Variants in TMTC2 observed in about 807,000 individuals in gnomAD.
TMTC2 encodes transmembrane O-mannosyltransferase targeting cadherins 2.
TMTC2 carries 43 observed loss-of-function variants against 82.4 expected under a neutral mutation model. The observed-to-expected ratio is 0.52, with a 90% CI of 0.41 to 0.67. The LOEUF is 0.67. Ranked by LOEUF, TMTC2 falls within the 30% of genes least tolerant of loss-of-function variation. The probability of loss-of-function intolerance (pLI) is 0.00; values close to 1 mark genes in which losing one functional copy is unlikely to be tolerated. For missense variants in TMTC2, 919 were observed against 1,012.4 expected (o/e 0.91, Z 1.25); for synonymous variants, 408 against 381.9 (o/e 1.07, Z -0.80).
rs61124784 is a variant in TMTC2 at position 82,792,066 on chromosome 12, G to T, written c.84-64944G>T. Among the ~76,000 whole-genome samples, 752 of 152,250 alleles carry T rather than the reference G, an allele frequency of 4.9e-3. 8 individuals are homozygous for T. Among genetic ancestry groups the T allele is most frequent in the African/African-American group, 0.017 (715 of 41,554 alleles). On this transcript the variant is annotated intron_variant, in intron 1 of 11. Coordinates refer to ENST00000321196, the MANE Select transcript of TMTC2 (RefSeq NM_152588.3). ...GCTTGGGAAATTCCCACAGAAGCAA[G>T]AAGCAGCAAGGTAGAGGGGAAAGAG...
chr12:82,709,902 A>G (rs1266348654), intron 1 of TMTC2, among the ~76,000 whole-genome samples: 1 of 152,232 alleles, frequency 6.6e-6, no homozygotes, highest in African/African-American at 2.4e-5. Context: ...ACACAGAGGC[A>G]GTAAATTTGT....
intron 9 of TMTC2, among the ~76,000 whole-genome samples, chr12:83,044,398 A>G (rs900904399): frequency 1.1e-4 from 16 of 152,318 alleles, no homozygotes; most frequent in African/African-American, 3.8e-4. Flanking sequence ...CAGGAACAGT[A>G]AGAGAGGGTG....
At chr12:83,064,329 A>G (rs571271903) in intron 11 of TMTC2, among the ~76,000 whole-genome samples, 1 of 151,988 alleles carries the variant, frequency 6.6e-6, no homozygotes, top group African/African-American at 2.4e-5. Flanking sequence ...TTAATCTCCA[A>G]CTCAAAGCCC....
At chr12:83,122,019 C>T (rs537153167) in intron 11 of TMTC2, among the ~76,000 whole-genome samples, 1 of 151,822 alleles carries the variant, frequency 6.6e-6, no homozygotes. Context: ...CCAACAGCAC[C>T]GAGTCTGTTT....
At chr12:82,949,559 C>T (rs1877236162) in intron 4 of TMTC2, among the ~76,000 whole-genome samples, 1 of 152,144 alleles carries the variant, frequency 6.6e-6, no homozygotes, top group African/African-American at 2.4e-5. Context: ...ATGTCTTTGG[C>T]TTTAAACAGA....
chr12:82,936,636 A>T (rs969364124), intron 4 of TMTC2, among the ~76,000 whole-genome samples: 83 of 152,164 alleles, frequency 5.5e-4, no homozygotes, highest in Admixed American at 5.2e-4. Context: ...GAGGATGAAA[A>T]AAATATCATC....
intron 11 of TMTC2, among the ~76,000 whole-genome samples, chr12:83,070,042 G>A (rs191900401): frequency 5.9e-5 from 9 of 152,178 alleles, no homozygotes; most frequent in African/African-American, 2.2e-4. Context: ...CCATTGGTGT[G>A]TGTGCCTATC....
chr12:82,801,440 G>A (rs1403207317), intron 1 of TMTC2, among the ~76,000 whole-genome samples: 3 of 152,126 alleles, frequency 2.0e-5, no homozygotes, highest in Non-Finnish European at 4.4e-5. Flanking sequence ...CAAGCGGGTT[G>A]CCACTGCAGG....
chr12:82,789,788 T>C (rs1190654897), intron 1 of TMTC2, among the ~76,000 whole-genome samples: 1 of 152,102 alleles, frequency 6.6e-6, no homozygotes, highest in Admixed American at 6.5e-5. Flanking sequence ...AGACTAAGAG[T>C]TTGCTTTATG....
intron 1 of TMTC2, among the ~76,000 whole-genome samples, chr12:82,805,295 T>C (rs1449628534): frequency 6.6e-6 from 1 of 152,092 alleles, no homozygotes; most frequent in African/African-American, 2.4e-5. Context: ...TTAGGCTAAA[T>C]TGTGGGAGCT....
At chr12:82,884,334 T>C (rs1174831767) in intron 2 of TMTC2, among the ~76,000 whole-genome samples, 2 of 152,220 alleles carry the variant, frequency 1.3e-5, no homozygotes, top group Non-Finnish European at 2.9e-5. Context: ...ACAAACGCTA[T>C]AGAGTGTCAG....
intron 11 of TMTC2, among the ~76,000 whole-genome samples, chr12:83,131,568 C>G (rs1351927193): frequency 6.6e-6 from 1 of 152,034 alleles, no homozygotes; most frequent in Non-Finnish European, 1.5e-5. Context: ...GGATTTTTTA[C>G]TTCACTCTAT....
intron 8 of TMTC2, among the ~76,000 whole-genome samples, chr12:83,015,179 G>C (rs1395747566): frequency 6.6e-6 from 1 of 152,134 alleles, no homozygotes. Context: ...ACTCTTCCAA[G>C]CTCCATGTTG....
At chr12:82,964,300 G>C (rs1196240422) in intron 4 of TMTC2, among the ~76,000 whole-genome samples, 2 of 151,948 alleles carry the variant, frequency 1.3e-5, no homozygotes, top group African/African-American at 4.8e-5. Context: ...CATGAGGGTG[G>C]GTTCTGGCAT....
At chr12:82,727,170 AAAG>A (rs1874501332) in intron 1 of TMTC2, among the ~76,000 whole-genome samples, 1 of 152,106 alleles carries the variant, frequency 6.6e-6, no homozygotes, top group Non-Finnish European at 1.5e-5. Flanking sequence ...AGAAAATAGA[AAAG>A]AAGAATAATT....
chr12:82,742,845 C>G (rs555696848), intron 1 of TMTC2, among the ~76,000 whole-genome samples: 21 of 152,072 alleles, frequency 1.4e-4, no homozygotes, highest in Admixed American at 2.6e-4. Context: ...ATTCTTCATT[C>G]CCTAGATCGA....
chr12:82,697,362 A>G (rs1277793615), intron 1 of TMTC2, among the ~76,000 whole-genome samples: 1 of 151,954 alleles, frequency 6.6e-6, no homozygotes, highest in Non-Finnish European at 1.5e-5. Flanking sequence ...AAAGGAAAAA[A>G]AAACAATGCA....
chr12:82,818,036 G>T (rs1259852737), intron 1 of TMTC2, among the ~76,000 whole-genome samples: 2 of 152,078 alleles, frequency 1.3e-5, no homozygotes, highest in Non-Finnish European at 2.9e-5. Context: ...TTTAAGATGG[G>T]AGTAAAATCT....
At chr12:82,799,183 T>C (rs1878874430) in intron 1 of TMTC2, among the ~76,000 whole-genome samples, 1 of 152,138 alleles carries the variant, frequency 6.6e-6, no homozygotes, top group Non-Finnish European at 1.5e-5. Context: ...TTTAAAAATA[T>C]ATTCAGTGTT....
Sources: gnomAD v4.1 joint callset for allele counts (sites outside exome capture counted in the v4.1 genomes callset) on GRCh38, gnomAD v4.1.1 for gene constraint, MANE v1.5 for transcripts, NCBI Gene and HGNC (gene_info 2026-07-23, HGNC 2026-07-21) for gene names.